Variants in VRK3 observed in about 807,000 individuals in gnomAD.
VRK3 encodes the protein VRK serine/threonine kinase 3, also known as serine/threonine-protein kinase VRK3.
In VRK3, 50 loss-of-function variants were observed where a neutral mutation model predicts 60.4. The observed-to-expected ratio is 0.83, with a 90% CI of 0.66 to 1.05. The LOEUF (loss-of-function observed/expected upper bound fraction) is 1.05. Among genes scored for constraint, VRK3 ranks in the 50% least tolerant of loss-of-function variants. VRK3 has a pLI of 0.00. For synonymous variants in VRK3, 246 were observed against 227.8 expected (o/e 1.08, Z -0.72); for missense variants, 549 against 585.3 (o/e 0.94, Z 0.64).
chr19:50,012,096 C>A (rs952631600), intron 3 of VRK3, among the ~76,000 whole-genome samples: 1 of 152,070 alleles, frequency 6.6e-6, no homozygotes, highest in African/African-American at 2.4e-5. Flanking sequence ...CTCAGCCTCC[C>A]GAGTAGCTGG....
intron 12 of VRK3, among the ~76,000 whole-genome samples, chr19:49,982,439 G>A (rs2076440177): frequency 6.6e-6 from 1 of 152,192 alleles, no homozygotes; most frequent in Admixed American, 6.5e-5. Flanking sequence ...CACCACGCCT[G>A]GCTGAGGCCA....
At chr19:49,991,231 A>G (rs955024848) in intron 10 of VRK3, among the ~76,000 whole-genome samples, 1 of 152,152 alleles carries the variant, frequency 6.6e-6, no homozygotes, top group African/African-American at 2.4e-5. Context: ...AAGGCAGATT[A>G]TTCTCCTTAA....
chr19:49,983,826 C>T (rs748093784), intron 12 of VRK3, among the ~76,000 whole-genome samples: 4 of 152,178 alleles, frequency 2.6e-5, no homozygotes, highest in Non-Finnish European at 5.9e-5. Flanking sequence ...CCCTTGTGGT[C>T]CCCTTGGTTA....
rs117968480 is a variant in VRK3, at chr19:49,977,685, T to C, written c.*12-901A>G. Among the ~76,000 whole-genome samples the C allele has an allele frequency of 9.7e-3, 1,482 of 152,232 alleles. 10 individuals carry two copies. The highest frequency in any genetic ancestry group is 0.016 in the Non-Finnish European group (1,074 of 68,012). On this transcript the variant is annotated intron_variant, in intron 14 of 14. Coordinates refer to ENST00000316763, the MANE Select transcript of VRK3 (RefSeq NM_016440.4). ...CCGGGACCGAAGGTTTGGAGGAGGC[T>C]GCTGGGGGAGCAAGGGTGTTGGGGA...
At chr19:49,995,897 T>G (rs1189424757) in intron 7 of VRK3, among the ~76,000 whole-genome samples, 3 of 152,158 alleles carry the variant, frequency 2.0e-5, no homozygotes, top group Non-Finnish European at 4.4e-5. Flanking sequence ...TGCAGGCTTC[T>G]GCCACCAGGC....
chr19:50,007,288 C>T (rs914893825), intron 5 of VRK3, among the ~76,000 whole-genome samples: 1 of 150,768 alleles, frequency 6.6e-6, no homozygotes, highest in Non-Finnish European at 1.5e-5. Context: ...TAGCAGGTAG[C>T]AGGTGGGGTG....
intron 3 of VRK3, among the ~76,000 whole-genome samples, chr19:50,013,011 C>CA (rs1291159199): frequency 1.3e-5 from 2 of 151,546 alleles, no homozygotes; most frequent in Non-Finnish European, 2.9e-5. Flanking sequence ...ACTAAAAATA[C>CA]AAAAAAATAG....
intron 12 of VRK3, among the ~76,000 whole-genome samples, chr19:49,982,437 C>G (rs2076440134): frequency 6.6e-6 from 1 of 152,198 alleles, no homozygotes; most frequent in African/African-American, 2.4e-5. Flanking sequence ...GCCACCACGC[C>G]TGGCTGAGGC....
At position 50,005,414 on chromosome 19, in the gene VRK3, T is replaced by A. The variant is rs145267081; in HGVS notation, c.547+2155A>T. Among the ~76,000 whole-genome samples the A allele has an allele frequency of 6.3e-4, 94 of 149,688 alleles. 1 individual carries two copies. The highest frequency in any genetic ancestry group is 3.5e-3 in the South Asian group (17 of 4,820). Reference sequence around the variant, plus strand: ...TATTGAAATCTAGGTTTCAAGCTTTTCCTGGAAAACTTGGAAGATTCTGGA... The same window carrying A: ...TATTGAAATCTAGGTTTCAAGCTTTACCTGGAAAACTTGGAAGATTCTGGA... On this transcript the variant is annotated intron_variant, in intron 5 of 14. Coordinates refer to ENST00000316763, the MANE Select transcript of VRK3 (RefSeq NM_016440.4).
chr19:50,014,852 C>G (rs747873840), intron 3 of VRK3, among the ~76,000 whole-genome samples: 15 of 152,112 alleles, frequency 9.9e-5, no homozygotes, highest in Non-Finnish European at 2.1e-4. Flanking sequence ...CACAGGATCT[C>G]TCTGGTGGCT....
rs986453957 is a variant in VRK3 at position 50,025,346 on chromosome 19, C to T, written c.-144G>A. Reference sequence around the variant, plus strand: ...ATCCTCCGCAGTTACCCGGACTCACCTTCTCAGTTGCCCAGCGAAAACTTC... The same window carrying T: ...ATCCTCCGCAGTTACCCGGACTCACTTTCTCAGTTGCCCAGCGAAAACTTC... On this transcript the variant is annotated 5_prime_UTR_variant, in exon 1 of 15. Transcript: ENST00000316763. 56 of 152,334 alleles carry T rather than the reference C, an allele frequency of 3.7e-4. No homozygotes were observed. The highest frequency in any genetic ancestry group is 3.8e-4 in the East Asian group (2 of 5,196). The allele number at this position is 152,334 out of a possible 1,614,324, so 9.4% of individuals were successfully genotyped here.
intron 6 of VRK3, chr19:49,998,461 C>CA (rs1207815568): frequency 2.1e-5 from 3 of 140,502 alleles, no homozygotes. Flanking sequence ...GCCTGGGTGA[C>CA]AGAGTGAGAT....
rs1486423260 is a variant in VRK3 at position 49,979,071 on chromosome 19, A to G, written c.*11+12T>C. ...AGGGGTGAGAGGCTTAAGCCTCACA[A>G]GCTCTTCCCACCTGGATTCCACCTA... On this transcript the variant is annotated intron_variant, in intron 14 of 14. Coordinates refer to ENST00000316763, the MANE Select transcript of VRK3 (RefSeq NM_016440.4). 6.3e-7 allele frequency: 1 copy of G among 1,586,644 alleles called. No individual in the cohort carries two copies. Among genetic ancestry groups the G allele is most frequent in the Non-Finnish European group, 8.6e-7 (1 of 1,164,326 alleles).
chr19:49,989,594 A>G (rs997921268), intron 11 of VRK3, 45 bp downstream of exon 11: 2 of 1,566,424 alleles, frequency 1.3e-6, no homozygotes, highest in Non-Finnish European at 1.7e-6. Flanking sequence ...GCCCTTGTAT[A>G]AGAAGCATCT....
intron 1 of VRK3, among the ~76,000 whole-genome samples, chr19:50,023,068 T>C (rs775394650): frequency 6.6e-6 from 1 of 152,234 alleles, no homozygotes; most frequent in African/African-American, 2.4e-5. Context: ...CTCTCCCATC[T>C]GCCTGGAACG....
At position 50,006,169 on chromosome 19, in the gene VRK3, G is replaced by T. The variant is rs948838141; in HGVS notation, c.547+1400C>A. Among the ~76,000 whole-genome samples, 2 of 151,168 alleles carry T rather than the reference G, an allele frequency of 1.3e-5. 1 individual carries two copies. The highest frequency in any genetic ancestry group is 4.9e-5 in the African/African-American group (2 of 40,890). ...TAAAAAAATAAAAAAATTTAGCCCG[G>T]TGTGGTGGCATGCGCTTGTAATCTC... On this transcript the variant is annotated intron_variant, in intron 5 of 14. Coordinates refer to ENST00000316763, the MANE Select transcript of VRK3 (RefSeq NM_016440.4).
At chr19:49,988,606 C>T (rs2076558618) in intron 11 of VRK3, 114 bp from the exon 12 acceptor site, 2 of 1,380,924 alleles carry the variant, frequency 1.4e-6, no homozygotes, top group Non-Finnish European at 9.6e-7. Context: ...CTCATACACC[C>T]AGCCTTCCAG....
chr19:49,984,140 G>C (rs1401969389), intron 12 of VRK3, among the ~76,000 whole-genome samples: 1 of 152,190 alleles, frequency 6.6e-6, no homozygotes, highest in Non-Finnish European at 1.5e-5. Flanking sequence ...ACCGCTCTTA[G>C]GAGTTAGGAA....
At chr19:50,015,856 A>C in intron 3 of VRK3, 168 bp downstream of exon 3, 1 of 828,828 alleles carries the variant, frequency 1.2e-6, no homozygotes, top group East Asian at 2.5e-5. Flanking sequence ...GAGGCCAATA[A>C]GAGGCCAAGA....
Sources: allele counts gnomAD v4.1 joint callset (sites outside exome capture counted in the v4.1 genomes callset), GRCh38; gene constraint gnomAD v4.1.1; transcripts MANE v1.5; gene names NCBI Gene and HGNC (gene_info 2026-07-23, HGNC 2026-07-21).